The following TMEM132D variants were observed in gnomAD, a reference collection of about 807,000 sequenced individuals.
The protein encoded by TMEM132D is mature OL transmembrane protein.
Under a neutral mutation model 62.3 loss-of-function variants are expected in TMEM132D, and 21 were observed. The ratio of observed to expected loss-of-function variants is 0.34; its 90% CI spans 0.24 to 0.49. The LOEUF (loss-of-function observed/expected upper bound fraction) is 0.49. Ranked by LOEUF, TMEM132D falls within the 20% of genes least tolerant of loss-of-function variation. TMEM132D has a pLI of 0.99. For missense variants in TMEM132D, 1,346 were observed against 1,402.8 expected (o/e 0.96, Z 0.65); for synonymous variants, 621 against 575.6 (o/e 1.08, Z -1.13).
chr12:129,141,504 A>T (rs537693732), intron 5 of TMEM132D, among the ~76,000 whole-genome samples: 1 of 152,296 alleles, frequency 6.6e-6, no homozygotes, highest in Non-Finnish European at 1.5e-5. Context: ...GCAGTGCTTT[A>T]TTTAGATTTG....
intron 1 of TMEM132D, among the ~76,000 whole-genome samples, chr12:129,805,625 G>A (rs1463741968): frequency 6.6e-6 from 1 of 151,904 alleles, no homozygotes; most frequent in Non-Finnish European, 1.5e-5. Context: ...TCAGGACATA[G>A]GCATGGGCAA....
At chr12:129,849,307 GT>G (rs1593185510) in intron 1 of TMEM132D, among the ~76,000 whole-genome samples, 2 of 152,020 alleles carry the variant, frequency 1.3e-5, no homozygotes, top group South Asian at 2.1e-4. Context: ...TATAAGCAAG[GT>G]TTTCTAAAAT....
chr12:129,257,204 C>CT (rs10609616), intron 4 of TMEM132D, among the ~76,000 whole-genome samples: 3,204 of 122,608 alleles, frequency 0.026, 112 homozygotes, highest in African/African-American at 0.075. Flanking sequence ...CTGTTTCTTT[C>CT]TTTTTTTTTT....
At chr12:129,684,795 G>A (rs966274989) in intron 2 of TMEM132D, among the ~76,000 whole-genome samples, 1 of 152,044 alleles carries the variant, frequency 6.6e-6, no homozygotes, top group Non-Finnish European at 1.5e-5. Context: ...TGAAGTCCAA[G>A]CAGAGGTGGT....
At position 129,339,359 on chromosome 12, in the gene TMEM132D, G is replaced by T. The variant is rs540006451; in HGVS notation, c.1116-1542C>A. ...AGGGGAAGGAGGGGGCCGGAGAAAT[G>T]AGATGAGAAGAACTGCCAAAAGAAA... On this transcript the variant is annotated intron_variant, in intron 3 of 8. Coordinates refer to ENST00000422113, the MANE Select transcript of TMEM132D (RefSeq NM_133448.3). Among the ~76,000 whole-genome samples the T allele has an allele frequency of 1.7e-4, 5 of 29,522 alleles. No homozygotes were observed. In the East Asian group the frequency reaches 0.015, roughly 88 times the overall value. 19.4% of individuals were successfully genotyped at this position (29,522 alleles called of 152,430 possible). A position where few individuals can be genotyped will look rare whatever the true frequency, so the allele number is the denominator to read the frequency against.
intron 1 of TMEM132D, among the ~76,000 whole-genome samples, chr12:129,823,500 G>T (rs1002898095): frequency 3.3e-4 from 51 of 152,374 alleles, no homozygotes; most frequent in African/African-American, 1.2e-3. Context: ...GACCAGCCAA[G>T]GGCCAGCCTT....
chr12:129,249,759 A>G (rs1031059551), intron 4 of TMEM132D, among the ~76,000 whole-genome samples: 1 of 152,192 alleles, frequency 6.6e-6, no homozygotes, highest in African/African-American at 2.4e-5. Flanking sequence ...GACCCCGAGT[A>G]GCTCACAGAA....
intron 4 of TMEM132D, among the ~76,000 whole-genome samples, chr12:129,239,638 G>C (rs1393536183): frequency 6.6e-6 from 1 of 152,194 alleles, no homozygotes; most frequent in East Asian, 1.9e-4. Context: ...GAAGCAGAGA[G>C]AATGCCATCT....
At chr12:129,661,633 G>A (rs1053182120) in intron 2 of TMEM132D, among the ~76,000 whole-genome samples, 1 of 152,180 alleles carries the variant, frequency 6.6e-6, no homozygotes, top group African/African-American at 2.4e-5. Flanking sequence ...AGCTACACTT[G>A]TCCTTAAAAC....
At chr12:129,815,496 C>G (rs987871448) in intron 1 of TMEM132D, among the ~76,000 whole-genome samples, 1 of 152,186 alleles carries the variant, frequency 6.6e-6, no homozygotes, top group African/African-American at 2.4e-5. Context: ...GTGACTGTCT[C>G]ACCGTTCCAG....
chr12:129,505,632 C>T (rs1383330495), intron 3 of TMEM132D, among the ~76,000 whole-genome samples: 1 of 152,102 alleles, frequency 6.6e-6, no homozygotes, highest in Non-Finnish European at 1.5e-5. Flanking sequence ...TGAAGTCCCC[C>T]ACTATTATTG....
chr12:129,500,470 G>A (rs1875105879), intron 3 of TMEM132D, among the ~76,000 whole-genome samples: 1 of 152,172 alleles, frequency 6.6e-6, no homozygotes, highest in African/African-American at 2.4e-5. Context: ...TGCCTAGATT[G>A]CTAACAATTG....
intron 3 of TMEM132D, among the ~76,000 whole-genome samples, chr12:129,497,058 A>C (rs1427214533): frequency 6.6e-6 from 1 of 152,170 alleles, no homozygotes; most frequent in African/African-American, 2.4e-5. Flanking sequence ...CTGTCATCCC[A>C]GCACTTTGAG....
At chr12:129,898,793 G>T (rs1417169794) in intron 1 of TMEM132D, among the ~76,000 whole-genome samples, 1 of 152,194 alleles carries the variant, frequency 6.6e-6, no homozygotes, top group African/African-American at 2.4e-5. Context: ...TCCTCACTAC[G>T]GTACTCCCTG....
intron 4 of TMEM132D, among the ~76,000 whole-genome samples, chr12:129,321,373 G>A (rs147829999): frequency 1.4e-4 from 22 of 152,298 alleles, no homozygotes; most frequent in African/African-American, 4.8e-4. Flanking sequence ...CAAAGTTACT[G>A]TGATCAGGGG....
intron 5 of TMEM132D, chr12:129,208,480 G>A (rs909627795): frequency 1.3e-5 from 2 of 152,386 alleles, no homozygotes; most frequent in African/African-American, 2.4e-5. Context: ...TCATTTATGT[G>A]GTCCTAGAGT....
chr12:129,120,745 C>A (rs1876033891), intron 5 of TMEM132D, among the ~76,000 whole-genome samples: 1 of 152,090 alleles, frequency 6.6e-6, no homozygotes, highest in African/African-American at 2.4e-5. Flanking sequence ...AAATTGTCAA[C>A]ATTAGGAAGA....
chr12:129,464,722 A>G (rs1334123180), intron 3 of TMEM132D, among the ~76,000 whole-genome samples: 1 of 152,172 alleles, frequency 6.6e-6, no homozygotes, highest in African/African-American at 2.4e-5. Flanking sequence ...CATTTATTAA[A>G]TAGGGAATCC....
intron 4 of TMEM132D, among the ~76,000 whole-genome samples, chr12:129,248,436 C>G (rs1338862472): frequency 6.6e-6 from 1 of 152,150 alleles, no homozygotes; most frequent in East Asian, 1.9e-4. Flanking sequence ...TGCATAACAT[C>G]CTGGTACTGT....
Sources: allele counts gnomAD v4.1 joint callset (sites outside exome capture counted in the v4.1 genomes callset), GRCh38; gene constraint gnomAD v4.1.1; transcripts MANE v1.5; gene names NCBI Gene and HGNC (gene_info 2026-07-23, HGNC 2026-07-21).